Variants in HIVEP3 observed in about 807,000 individuals in gnomAD.
The protein encoded by HIVEP3 is transcription factor HIVEP3.
Under a neutral mutation model 152.8 loss-of-function variants are expected in HIVEP3, and 49 were observed. The ratio of observed to expected loss-of-function variants is 0.32; its 90% CI spans 0.26 to 0.41. HIVEP3 has a LOEUF of 0.41. Among genes scored for constraint, HIVEP3 ranks in the 10% least tolerant of loss-of-function variants. The pLI, the probability that HIVEP3 is intolerant of heterozygous loss-of-function variation, is 1.00. For synonymous variants in HIVEP3, 1,269 were observed against 1,289.0 expected, an observed-to-expected ratio of 0.98 and a Z score of 0.33; for missense variants, 2,790 against 3,103.3, an observed-to-expected ratio of 0.90 and a Z score of 2.40.
chr1:41,523,093 A>C (rs1210899955), intron 6 of HIVEP3, among the ~76,000 whole-genome samples: 1 of 152,236 alleles, frequency 6.6e-6, no homozygotes, highest in African/African-American at 2.4e-5. Context: ...TTGGGTGATA[A>C]GTTTTCCACT....
At chr1:42,015,037 C>A (rs1570892850) in intron 1 of HIVEP3, among the ~76,000 whole-genome samples, 1 of 152,088 alleles carries the variant, frequency 6.6e-6, no homozygotes, top group African/African-American at 2.4e-5. Context: ...TGGTCAGCAG[C>A]CCTGTGGAGA....
chr1:41,701,132 A>G (rs41269481), intron 1 of HIVEP3, 137 bp from the exon 2 acceptor site: 130 of 185,926 alleles, frequency 7.0e-4, no homozygotes, highest in Non-Finnish European at 1.1e-3. Flanking sequence ...CTTCTCTAAC[A>G]TGGTTATGAC....
chr1:41,788,753 T>C (rs988033255), intron 1 of HIVEP3, among the ~76,000 whole-genome samples: 2 of 152,188 alleles, frequency 1.3e-5, no homozygotes, highest in African/African-American at 4.8e-5. Context: ...GAATGCTTAA[T>C]GGAATAAGGA....
chr1:41,595,522 T>G (rs1158345018), intron 3 of HIVEP3, among the ~76,000 whole-genome samples: 2 of 152,152 alleles, frequency 1.3e-5, no homozygotes, highest in Admixed American at 6.5e-5. Flanking sequence ...TTGTTTGAGC[T>G]GGGTTTTGAA....
chr1:41,800,462 A>G (rs567433829), intron 1 of HIVEP3, among the ~76,000 whole-genome samples: 1 of 152,386 alleles, frequency 6.6e-6, no homozygotes, highest in Admixed American at 6.5e-5. Flanking sequence ...AGCTGGCACC[A>G]GGCCCCTCGA....
chr1:41,938,803 T>C (rs1397493106), intron 1 of HIVEP3, among the ~76,000 whole-genome samples: 4 of 152,240 alleles, frequency 2.6e-5, no homozygotes, highest in African/African-American at 9.6e-5. Context: ...TATGGGGGAA[T>C]CTGAGTCCTA....
At chr1:41,821,997 C>G (rs530537524) in intron 1 of HIVEP3, among the ~76,000 whole-genome samples, 1 of 152,178 alleles carries the variant, frequency 6.6e-6, no homozygotes, top group South Asian at 2.1e-4. Flanking sequence ...CAAACCACTC[C>G]GAAATGCAGT....
rs760621982 is a variant in HIVEP3, at chr1:41,575,519, G to T, written c.5207+25C>A. The T allele has an allele frequency of 3.1e-6, 5 of 1,611,624 alleles. No individual in the cohort carries two copies. The South Asian group carries it at 4.4e-5, about 14-fold the overall frequency. On this transcript the variant is annotated intron_variant, in intron 5 of 8. Coordinates refer to ENST00000372583, the MANE Select transcript of HIVEP3 (RefSeq NM_024503.5). ...CAGCTCTTATTCCACGGAAGCAGAC[G>T]ATGGAAACCAAACATGAGTCTTACC...
chr1:41,809,502 C>G (rs1328764981), intron 1 of HIVEP3, among the ~76,000 whole-genome samples: 1 of 152,194 alleles, frequency 6.6e-6, no homozygotes, highest in Non-Finnish European at 1.5e-5. Flanking sequence ...AAATTGTTTT[C>G]TCTCTCTGTC....
intron 1 of HIVEP3, among the ~76,000 whole-genome samples, chr1:41,772,038 G>A (rs56269767): frequency 0.16 from 25,038 of 151,982 alleles, 5,173 homozygotes; most frequent in African/African-American, 0.49. Flanking sequence ...CACTTGCCAC[G>A]AGCGGCCTCT....
Position 41,628,649 on chromosome 1 carries a change from A to G in HIVEP3, c.-522+100T>C, listed in dbSNP as rs144050659. The stretch of plus-strand genomic sequence containing the variant: ...AAAGGCAACGATAACACTAATAATA[A>G]CAATAATACATTTTTCAGAGGAAGA... On this transcript the variant is annotated intron_variant, in intron 3 of 8. Transcript: ENST00000372583. 2,958 of 926,606 alleles carry G rather than the reference A, an allele frequency of 3.2e-3. 3 individuals carry two copies. Among genetic ancestry groups the G allele is most frequent in the Middle Eastern group, 7.6e-3 (20 of 2,646 alleles). The allele number at this position is 926,606 out of a possible 1,614,324, so 57.4% of individuals were successfully genotyped here. A position where few individuals can be genotyped will look rare whatever the true frequency, so the allele number is the denominator to read the frequency against.
intron 3 of HIVEP3, among the ~76,000 whole-genome samples, chr1:41,602,195 TGTA>T (rs1644758224): frequency 6.6e-6 from 1 of 152,210 alleles, no homozygotes; most frequent in Non-Finnish European, 1.5e-5. Flanking sequence ...AATATTAGCC[TGTA>T]GTTTTCTTTT....
At chr1:41,591,121 G>A (rs1644581671) in intron 3 of HIVEP3, among the ~76,000 whole-genome samples, 1 of 152,168 alleles carries the variant, frequency 6.6e-6, no homozygotes, top group Non-Finnish European at 1.5e-5. Context: ...GGGCTGTCAT[G>A]GCTGTGTGGA....
chr1:42,000,438 A>G (rs1645420897), intron 1 of HIVEP3, among the ~76,000 whole-genome samples: 1 of 152,216 alleles, frequency 6.6e-6, no homozygotes, highest in African/African-American at 2.4e-5. Flanking sequence ...CAAGGGCAGG[A>G]GGAGGCACAA....
At chr1:41,623,142 C>A (rs1645069229) in intron 3 of HIVEP3, among the ~76,000 whole-genome samples, 1 of 152,208 alleles carries the variant, frequency 6.6e-6, no homozygotes, top group South Asian at 2.1e-4. Flanking sequence ...CTTCGAGCCT[C>A]CCTGGGAATA....
At chr1:41,545,652 A>G (rs1225252584) in intron 5 of HIVEP3, among the ~76,000 whole-genome samples, 1 of 121,172 alleles carries the variant, frequency 8.3e-6, no homozygotes, top group Non-Finnish European at 1.6e-5. Context: ...CATCACCACC[A>G]CTACCACCCC....
At chr1:41,526,545 AC>A (rs1642924595) in intron 5 of HIVEP3, among the ~76,000 whole-genome samples, 1 of 52,864 alleles carries the variant, frequency 1.9e-5, no homozygotes, top group Non-Finnish European at 3.3e-5. Context: ...ACACCCCCAC[AC>A]TCACCCTCAC....
intron 1 of HIVEP3, among the ~76,000 whole-genome samples, chr1:41,737,872 G>A (rs1480246318): frequency 2.0e-5 from 3 of 152,184 alleles, no homozygotes; most frequent in African/African-American, 7.2e-5. Flanking sequence ...GAGGCTCTGA[G>A]GCCCTAAAAT....
At chr1:41,904,046 G>A (rs1644670736) in intron 1 of HIVEP3, among the ~76,000 whole-genome samples, 1 of 151,974 alleles carries the variant, frequency 6.6e-6, no homozygotes, top group Non-Finnish European at 1.5e-5. Context: ...ACAGGCATGT[G>A]CCACCATGCC....
Sources: gnomAD v4.1 joint callset for allele counts (sites outside exome capture counted in the v4.1 genomes callset) on GRCh38, gnomAD v4.1.1 for gene constraint, MANE v1.5 for transcripts, NCBI Gene and HGNC (gene_info 2026-07-23, HGNC 2026-07-21) for gene names.